The following RPGRIP1 variants were observed in gnomAD, a reference collection of about 807,000 sequenced individuals.
The protein encoded by RPGRIP1 is X-linked retinitis pigmentosa GTPase regulator-interacting protein 1.
A neutral mutation model predicts 157.9 loss-of-function variants in RPGRIP1; 128 were observed. The observed-to-expected ratio is 0.81, with a 90% confidence interval of 0.70 to 0.94. The LOEUF is 0.94. RPGRIP1 is among the 40% of genes least tolerant of loss of function. The pLI, the probability that RPGRIP1 is intolerant of heterozygous loss-of-function variation, is 0.00. For missense variants in RPGRIP1, 1,486 were observed against 1,545.8 expected (o/e 0.96, Z 0.65); for synonymous variants, 554 against 571.6 (o/e 0.97, Z 0.44).
At chr14:21,341,968 G>T (rs1222246210) in intron 21 of RPGRIP1, among the ~76,000 whole-genome samples, 11 of 151,754 alleles carry the variant, frequency 7.2e-5, no homozygotes, top group Non-Finnish European at 1.6e-4. Flanking sequence ...GAGAATGGCG[G>T]GAACCCGGGA....
rs769509351 is a variant in RPGRIP1, at chr14:21,343,036, G to T, written c.3340G>T (p.Asp1114Tyr). 6.2e-7 allele frequency: 1 copy of T among 1,610,340 alleles called. No individual in the cohort carries two copies. Among genetic ancestry groups the T allele is most frequent in the Admixed American group, 1.7e-5 (1 of 59,528 alleles). ...ACTAAATAAACATTTTCCTTATCAGGATTCAGAGAAGATGTGCATTGAAAT... is the reference window on the plus strand; with the variant it reads ...ACTAAATAAACATTTTCCTTATCAGTATTCAGAGAAGATGTGCATTGAAAT... ...PPMSQKYPKA[D>Y]SEKMCIEIVS... Residue 1114 changes from aspartate to tyrosine, a missense_variant and splice_region_variant, in exon 22 of 25, where the codon GAT becomes TAT. Asp to Tyr is a radical substitution (Grantham distance 160). Coordinates refer to ENST00000400017, the MANE Select transcript of RPGRIP1 (RefSeq NM_020366.4).
chr14:21,348,406 C>A, intron 24 of RPGRIP1, 104 bp downstream of exon 24: 1 of 889,664 alleles, frequency 1.1e-6, no homozygotes, highest in Non-Finnish European at 1.6e-6. Context: ...GTTGATAAGA[C>A]ACAAAGTGGA....
intron 1 of RPGRIP1, among the ~76,000 whole-genome samples, chr14:21,281,145 G>A (rs768410759): frequency 4.6e-5 from 7 of 151,758 alleles, no homozygotes; most frequent in Non-Finnish European, 8.8e-5. Context: ...AACCTCCCGA[G>A]TAGCTGGGAC....
Position 21,317,830 on chromosome 14 carries a change from T to G in RPGRIP1, c.1286T>G (p.Leu429Arg), listed in dbSNP as rs1052124836. 16 of 1,606,750 alleles carry G rather than the reference T, an allele frequency of 1.0e-5. No homozygotes were observed. The highest frequency in any genetic ancestry group is 1.4e-5 in the Non-Finnish European group (16 of 1,176,638). The part of the protein sequence containing the change: ...AELEDKRKVL[L>R]ELSREKAQNE... ...CTGGAGGACAAGAGAAAAGTTTTAC[T>G]TGAGCTGTCCAGGGAGAAAGGTAGG... is the stretch of plus-strand genomic sequence containing the variant. The change falls in exon 11 of 25, where the codon CTT (leucine) becomes CGT (arginine). Residue 429 changes from leucine to arginine, a missense_variant. By Grantham distance (102) the Leu-to-Arg change is moderately radical (BLOSUM62 -2). Coordinates refer to ENST00000400017, the MANE Select transcript of RPGRIP1 (RefSeq NM_020366.4).
intron 10 of RPGRIP1, among the ~76,000 whole-genome samples, chr14:21,315,622 G>A (rs1018011463): frequency 2.3e-4 from 35 of 152,150 alleles, no homozygotes; most frequent in Admixed American, 9.2e-4. Context: ...CTTCAGCTCA[G>A]TGAAATAAAG....
Position 21,282,261 on chromosome 14 carries a change from G to A in RPGRIP1, c.-39+2102G>A, listed in dbSNP as rs148180913. On this transcript the variant is annotated intron_variant, in intron 1 of 24. Coordinates refer to ENST00000400017, the MANE Select transcript of RPGRIP1 (RefSeq NM_020366.4). ...AAGGAAATTTTTTTTTTTTTAAGACGGAGTCTTGCTCTGTCACCCGGCTGG... is the reference window on the plus strand; with the variant it reads ...AAGGAAATTTTTTTTTTTTTAAGACAGAGTCTTGCTCTGTCACCCGGCTGG... 8.2e-3 allele frequency among the ~76,000 whole-genome samples: 1,241 copies of A among 151,474 alleles called. 16 individuals are homozygous for A. Among genetic ancestry groups the A allele is most frequent in the African/African-American group, 0.027 (1,097 of 41,280 alleles).
chr14:21,304,317 A>T (rs1881180462), intron 6 of RPGRIP1, among the ~76,000 whole-genome samples: 1 of 150,802 alleles, frequency 6.6e-6, no homozygotes, highest in Admixed American at 6.6e-5. Flanking sequence ...CTCTGTCAAA[A>T]AAAAAAAAAA....
rs772229047 is a variant in RPGRIP1 at position 21,317,753 on chromosome 14, G to A, written c.1209G>A (p.Ala403=). The change falls in exon 11 of 25, where the codon GCG becomes GCA. Residue 403 remains alanine, a synonymous_variant. Transcript: ENST00000400017. ...CCCACTGGAGCAACGAGCTCATAGC[G>A]GAACAGCTACAGCAGCAAGTCTCTC... ...SQPHWSNELI[A]EQLQQQVSQL... 1.4e-5 allele frequency: 22 copies of A among 1,594,092 alleles called. No individual in the cohort carries two copies. The South Asian group carries it at 1.5e-4, about 11-fold the overall frequency.
At chr14:21,332,864 T>C in intron 20 of RPGRIP1, among the ~76,000 whole-genome samples, 1 of 152,152 alleles carries the variant, frequency 6.6e-6, no homozygotes, top group East Asian at 1.9e-4. Flanking sequence ...CCCAGCAGTT[T>C]GGGAGGCAGA....
chr14:21,337,753 A>ATTTTT (rs60322777), intron 21 of RPGRIP1, among the ~76,000 whole-genome samples: 1 of 98,298 alleles, frequency 1.0e-5, no homozygotes. Context: ...TAGGTTAAGC[A>ATTTTT]TTTTTTTTTT....
intron 7 of RPGRIP1, 130 bp downstream of exon 7, chr14:21,307,966 A>G (rs1881387611): frequency 3.3e-6 from 2 of 603,916 alleles, no homozygotes; most frequent in East Asian, 6.0e-5. Flanking sequence ...ATATCACACA[A>G]TTTATAAGTG....
rs1460978284 is a variant in RPGRIP1 at position 21,351,111 on chromosome 14, C to T, written c.3756C>T (p.Ser1252=). 6.2e-7 allele frequency: 1 copy of T among 1,602,190 alleles called. No homozygotes were observed. Among genetic ancestry groups the T allele is most frequent in the African/African-American group, 1.3e-5 (1 of 74,642 alleles). ...DILEQELDIV[S]PEDLATPIGR... ...TTTTCCCTTTCCCAACAGTTGTTAG[C>T]CCTGAAGATCTGGCTACCCCAATAG... The change falls in exon 25 of 25, where the codon AGC becomes AGT. Residue 1252 remains serine, a synonymous_variant. Coordinates refer to ENST00000400017, the MANE Select transcript of RPGRIP1 (RefSeq NM_020366.4).
In RPGRIP1 at chr14:21,307,767, T is replaced by C. The variant is rs751301091; in HGVS notation, c.837T>C (p.Leu279=). 5 of 1,568,900 alleles carry C rather than the reference T, an allele frequency of 3.2e-6. No homozygotes were observed. The East Asian group carries it at 1.2e-4, about 36-fold the overall frequency. ...SIKEKVELIR[L]KKLLHERNAS... ...AAGAGAAGGTAGAGCTGATTCGACT[T>C]AAGAAGCTCTTACATGAAAGAAATG... Residue 279 remains leucine, a synonymous_variant, in exon 7 of 25, where the codon CTT becomes CTC. Coordinates refer to ENST00000400017, the MANE Select transcript of RPGRIP1 (RefSeq NM_020366.4).
At chr14:21,345,977 CCTGG>C (rs1480084478) in intron 23 of RPGRIP1, among the ~76,000 whole-genome samples, 8 of 152,124 alleles carry the variant, frequency 5.3e-5, no homozygotes, top group Admixed American at 2.0e-4. Context: ...ACGCCACTTG[CCTGG>C]CTAATTTTTG....
intron 7 of RPGRIP1, among the ~76,000 whole-genome samples, chr14:21,310,362 C>G (rs1482488672): frequency 2.0e-5 from 3 of 152,010 alleles, no homozygotes; most frequent in Non-Finnish European, 4.4e-5. Flanking sequence ...AATAAATGAC[C>G]CTTCATTCTT....
chr14:21,316,396 A>T (rs1476526353), intron 10 of RPGRIP1, among the ~76,000 whole-genome samples: 1 of 151,652 alleles, frequency 6.6e-6, no homozygotes, highest in East Asian at 1.9e-4. Flanking sequence ...ACAGGTGGGA[A>T]CCATCCAGCC....
Position 21,326,070 on chromosome 14 carries a change from C to G in RPGRIP1, c.2607C>G (p.Ala869=). The change falls in exon 17 of 25, where the codon GCC becomes GCG. Residue 869 remains alanine, a synonymous_variant. Coordinates refer to ENST00000400017, the MANE Select transcript of RPGRIP1 (RefSeq NM_020366.4). ...SDLDHYLRRE[A]LSIHVFDDED... is the part of the protein sequence containing the mutation. ...TGGACCATTATCTGAGACGGGAGGC[C>G]TTGTCTATACATGTTTTTGATGATG... 2 of 1,613,896 alleles carry G rather than the reference C, an allele frequency of 1.2e-6. No individual in the cohort carries two copies. Among genetic ancestry groups the G allele is most frequent in the South Asian group, 2.2e-5 (2 of 91,068 alleles).
At chr14:21,341,120 C>T (rs1884958592) in intron 21 of RPGRIP1, among the ~76,000 whole-genome samples, 1 of 152,122 alleles carries the variant, frequency 6.6e-6, no homozygotes, top group African/African-American at 2.4e-5. Flanking sequence ...GCAACCTCCA[C>T]CTCCTAGGTT....
At chr14:21,325,753 C>T in intron 16 of RPGRIP1, 78 bp from the exon 17 acceptor site, 1 of 1,074,676 alleles carries the variant, frequency 9.3e-7, no homozygotes, top group Non-Finnish European at 1.4e-6. Flanking sequence ...ATAGCTCTTC[C>T]TCACCACAGA....
Sources: allele counts gnomAD v4.1 joint callset (sites outside exome capture counted in the v4.1 genomes callset), GRCh38; gene constraint gnomAD v4.1.1; transcripts MANE v1.5; gene names NCBI Gene and HGNC (gene_info 2026-07-23, HGNC 2026-07-21).